ZNF385D: variants seen among roughly 807,000 people sequenced by gnomAD.
ZNF385D encodes the protein zinc finger protein 659.
Under a neutral mutation model 35.8 loss-of-function variants are expected in ZNF385D, and 15 were observed. The ratio of observed to expected loss-of-function variants is 0.42; its 90% CI spans 0.28 to 0.64. The LOEUF is 0.64. Among genes scored for constraint, ZNF385D ranks in the 30% least tolerant of loss-of-function variants. The pLI is 0.23. For synonymous variants in ZNF385D, 212 were observed against 186.8 expected (o/e 1.13, Z -1.10); for missense variants, 474 against 494.6 (o/e 0.96, Z 0.39).
intron 3 of ZNF385D, among the ~76,000 whole-genome samples, chr3:22,130,809 G>A (rs1233823761): frequency 6.6e-6 from 1 of 152,052 alleles, no homozygotes; most frequent in Non-Finnish European, 1.5e-5. Flanking sequence ...TCTTATGAAG[G>A]TACCTTCTTC....
rs182755982 is a variant in ZNF385D, at chr3:21,836,401, A to G, written c.326-171373T>C. Among the ~76,000 whole-genome samples the G allele has an allele frequency of 5.1e-4, 78 of 152,234 alleles. 1 individual carries two copies. The highest frequency in any genetic ancestry group is 6.8e-3 in the Middle Eastern group (2 of 294). ...ATACCTTTACACTTCTGCATATTCA[A>G]CAAACAAGATATGAAGACTGTGAGA... On this transcript the variant is annotated intron_variant, in intron 3 of 5. Transcript: ENST00000494108.
At chr3:21,551,855 T>G (rs1489843898) in intron 3 of ZNF385D, among the ~76,000 whole-genome samples, 1 of 152,098 alleles carries the variant, frequency 6.6e-6, no homozygotes. Context: ...TAAACTGTAC[T>G]ATAAAGGAAA....
At chr3:21,732,939 G>A (rs1009727154) in intron 1 of ZNF385D, among the ~76,000 whole-genome samples, 3 of 152,112 alleles carry the variant, frequency 2.0e-5, no homozygotes, top group African/African-American at 7.2e-5. Context: ...TCATGGCTTG[G>A]CATTGCATCT....
chr3:21,588,482 ATGTC>A (rs1202812781), intron 2 of ZNF385D, among the ~76,000 whole-genome samples: 11 of 152,128 alleles, frequency 7.2e-5, no homozygotes, highest in African/African-American at 2.2e-4. Flanking sequence ...AAACTTAACT[ATGTC>A]TGTAAGAATA....
At chr3:22,107,146 C>T (rs1305840584) in intron 3 of ZNF385D, among the ~76,000 whole-genome samples, 2 of 150,972 alleles carry the variant, frequency 1.3e-5, no homozygotes, top group African/African-American at 2.4e-5. Context: ...TGCCTCAGCC[C>T]CGGAGTAGCT....
intron 3 of ZNF385D, among the ~76,000 whole-genome samples, chr3:21,951,574 C>T (rs1702068667): frequency 6.6e-6 from 1 of 151,624 alleles, no homozygotes; most frequent in Admixed American, 6.6e-5. Context: ...CCGGCCAGAA[C>T]TTCCAATACT....
In ZNF385D at chr3:21,700,121, C is replaced by A. The variant is rs570751030; in HGVS notation, c.23-35093G>T. Among the ~76,000 whole-genome samples, 16 of 152,240 alleles carry A rather than the reference C, an allele frequency of 1.1e-4. No homozygotes were observed. In the South Asian group the frequency reaches 2.3e-3, roughly 22 times the overall value. On this transcript the variant is annotated intron_variant, in intron 1 of 7. Coordinates refer to ENST00000281523, the MANE Select transcript of ZNF385D (RefSeq NM_024697.3). Reference sequence around the variant, plus strand: ...AAAATGTTGGGATTACAGGCATGAGCCACTGCTCTCAGCCCCCTATGTTAT... The same window carrying A: ...AAAATGTTGGGATTACAGGCATGAGACACTGCTCTCAGCCCCCTATGTTAT...
intron 3 of ZNF385D, among the ~76,000 whole-genome samples, chr3:21,971,334 G>A (rs540484845): frequency 6.6e-6 from 1 of 152,062 alleles, no homozygotes; most frequent in Admixed American, 6.6e-5. Flanking sequence ...ATGTTAAAGT[G>A]CAGAATTTTT....
chr3:22,321,163 T>TG, intron 2 of ZNF385D, among the ~76,000 whole-genome samples: 1 of 138,108 alleles, frequency 7.2e-6, no homozygotes, highest in African/African-American at 2.7e-5. Context: ...CTTATGACCT[T>TG]GTTTTTTTTT....
intron 3 of ZNF385D, among the ~76,000 whole-genome samples, chr3:21,541,030 C>A (rs560424091): frequency 1.3e-5 from 2 of 152,192 alleles, no homozygotes; most frequent in South Asian, 4.2e-4. Context: ...TGAATCTGGG[C>A]CAGTGTTGGG....
intron 2 of ZNF385D, among the ~76,000 whole-genome samples, chr3:22,189,155 A>G (rs916240936): frequency 6.6e-6 from 1 of 152,190 alleles, no homozygotes; most frequent in Non-Finnish European, 1.5e-5. Context: ...CTCATATACT[A>G]AAGTTGGCCC....
chr3:22,032,232 C>G (rs940065620), intron 3 of ZNF385D, among the ~76,000 whole-genome samples: 1 of 152,220 alleles, frequency 6.6e-6, no homozygotes, highest in Non-Finnish European at 1.5e-5. Flanking sequence ...CTGCCAGTTA[C>G]CCAGATCCAA....
chr3:22,059,265 G>C (rs1175274322), intron 3 of ZNF385D, among the ~76,000 whole-genome samples: 2 of 152,166 alleles, frequency 1.3e-5, no homozygotes, highest in Non-Finnish European at 2.9e-5. Flanking sequence ...GAGAGAAAGG[G>C]AAAAGAAGAA....
chr3:21,626,658 G>A (rs1559470635), intron 2 of ZNF385D, among the ~76,000 whole-genome samples: 1 of 152,068 alleles, frequency 6.6e-6, no homozygotes, highest in Admixed American at 6.6e-5. Flanking sequence ...GGCTGAGTAG[G>A]TAATGCAAGT....
At chr3:21,819,661 G>C (rs1043158209) in intron 3 of ZNF385D, among the ~76,000 whole-genome samples, 2 of 144,142 alleles carry the variant, frequency 1.4e-5, no homozygotes, top group Non-Finnish European at 3.0e-5. Flanking sequence ...ATATTTATGT[G>C]TATTAATTAT....
intron 3 of ZNF385D, among the ~76,000 whole-genome samples, chr3:21,535,695 T>C (rs1212446044): frequency 1.3e-5 from 2 of 152,110 alleles, no homozygotes; most frequent in Non-Finnish European, 2.9e-5. Context: ...TTTGTCTAGA[T>C]AATTTAGCTT....
intron 2 of ZNF385D, among the ~76,000 whole-genome samples, chr3:22,180,835 T>C (rs1321481582): frequency 2.6e-5 from 4 of 151,490 alleles, no homozygotes; most frequent in Admixed American, 6.6e-5. Flanking sequence ...TATCATACTA[T>C]GACTTTTAAC....
chr3:21,995,718 A>G (rs1695422179), intron 3 of ZNF385D, among the ~76,000 whole-genome samples: 1 of 151,740 alleles, frequency 6.6e-6, no homozygotes, highest in Non-Finnish European at 1.5e-5. Context: ...GCTTGTCCTC[A>G]GCCCCCAGAA....
intron 2 of ZNF385D, among the ~76,000 whole-genome samples, chr3:22,361,434 G>A (rs79042761): frequency 0.023 from 3,517 of 152,078 alleles, 132 homozygotes; most frequent in African/African-American, 0.08. Flanking sequence ...ACCACATCAA[G>A]GTACAAAACT....
Sources: allele counts gnomAD v4.1 joint callset (sites outside exome capture counted in the v4.1 genomes callset), GRCh38; gene constraint gnomAD v4.1.1; transcripts MANE v1.5; gene names NCBI Gene and HGNC (gene_info 2026-07-23, HGNC 2026-07-21).